The following COP1 variants were observed in gnomAD, a reference collection of about 807,000 sequenced individuals.
COP1 encodes E3 ubiquitin-protein ligase COP1.
A neutral mutation model predicts 101.3 loss-of-function variants in COP1; 24 were observed. That is an observed-to-expected ratio of 0.24 (90% CI 0.17 to 0.33). COP1 has a LOEUF of 0.33. Ranked by LOEUF, COP1 falls within the 10% of genes least tolerant of loss-of-function variation. COP1 has a pLI of 1.00. For synonymous variants in COP1, 347 were observed against 341.9 expected, an observed-to-expected ratio of 1.01 and a Z score of -0.17; for missense variants, 663 against 906.2, an observed-to-expected ratio of 0.73 and a Z score of 3.45.
In COP1 at chr1:176,206,624, G is replaced by C. The variant is rs1438908344; in HGVS notation, c.355C>G (p.Leu119Val). 1.2e-5 allele frequency: 20 copies of C among 1,612,098 alleles called. No homozygotes were observed. Among genetic ancestry groups the C allele is most frequent in the Non-Finnish European group, 1.4e-5 (17 of 1,179,978 alleles). Residue 119 changes from leucine (L) to valine (V), a missense_variant, in exon 1 of 20, where the codon CTC (leucine) becomes GTC (valine). Around this residue, in one of 4 missense-constraint regions of COP1, gnomAD observed 204 missense variants for 203.6 expected, o/e 1.00. Coordinates refer to ENST00000367669, the MANE Select transcript of COP1 (RefSeq NM_022457.7). Reference sequence around the variant, plus strand: ...TAGGAGTTGATGAGCCCGTTGCAGAGGGGGGCGAGGAGAGGTCGCTTCCTG... The same window carrying C: ...TAGGAGTTGATGAGCCCGTTGCAGACGGGGGCGAGGAGAGGTCGCTTCCTG... The part of the protein sequence containing the change: ...GSRKRPLLAP[L>V]CNGLINSYED...
At chr1:175,963,620 T>C (rs777453039) in intron 18 of COP1, among the ~76,000 whole-genome samples, 3 of 152,140 alleles carry the variant, frequency 2.0e-5, no homozygotes. Flanking sequence ...TACTGCCTGG[T>C]TGGTACTTAA....
chr1:176,182,828 CATA>C (rs1697966692), intron 2 of COP1, among the ~76,000 whole-genome samples: 2 of 152,048 alleles, frequency 1.3e-5, no homozygotes, highest in South Asian at 4.1e-4. Flanking sequence ...ATTCGTGAAT[CATA>C]ATAATGTCAA....
intron 14 of COP1, among the ~76,000 whole-genome samples, chr1:176,028,600 C>T (rs138189989): frequency 1.3e-4 from 18 of 140,260 alleles, no homozygotes; most frequent in African/African-American, 3.4e-4. Flanking sequence ...TATAGATAAA[C>T]GATAAATTTA....
Position 176,043,817 on chromosome 1 carries a change from A to G in COP1, c.1423T>C (p.Cys475Arg). The part of the protein sequence containing the change: ...NEMTCNSKIS[C>R]ISWSSYHKNL... Reference sequence around the variant, plus strand: ...TTATGGTAACTACTCCAACTGATACAGCTGAAAGAAATACAGTTAAAAGTT... The same window carrying G: ...TTATGGTAACTACTCCAACTGATACGGCTGAAAGAAATACAGTTAAAAGTT... The change falls in exon 13 of 20, where the codon TGT (cysteine) becomes CGT (arginine). Residue 475 changes from cysteine to arginine, a missense_variant and splice_region_variant. Physicochemically the swap from Cys to Arg is radical, Grantham distance 180 (BLOSUM62 -3). Around this residue, in one of 4 missense-constraint regions of COP1, gnomAD observed 209 missense variants for 383.3 expected, o/e 0.55. Coordinates refer to ENST00000367669, the MANE Select transcript of COP1 (RefSeq NM_022457.7). 1 of 1,540,416 alleles carries G rather than the reference A, an allele frequency of 6.5e-7. No individual in the cohort carries two copies. The highest frequency in any genetic ancestry group is 9.0e-7 in the Non-Finnish European group (1 of 1,116,688).
At chr1:176,074,361 G>A (rs1454477900) in intron 11 of COP1, among the ~76,000 whole-genome samples, 3 of 152,120 alleles carry the variant, frequency 2.0e-5, no homozygotes, top group African/African-American at 7.2e-5. Flanking sequence ...CAACAGAGCT[G>A]TGAGAGTTTT....
chr1:176,036,360 T>A (rs1423964130), intron 14 of COP1, among the ~76,000 whole-genome samples: 2 of 151,596 alleles, frequency 1.3e-5, no homozygotes, highest in Non-Finnish European at 2.9e-5. Context: ...AGTTGAGCAT[T>A]TGAAAAGATT....
intron 15 of COP1, among the ~76,000 whole-genome samples, chr1:175,992,360 G>C (rs960325493): frequency 3.9e-5 from 6 of 152,254 alleles, no homozygotes; most frequent in Admixed American, 6.5e-5. Flanking sequence ...TGAGGTACCA[G>C]GTTCATCTCA....
intron 2 of COP1, among the ~76,000 whole-genome samples, chr1:176,179,164 C>T (rs1697387012): frequency 6.6e-6 from 1 of 151,676 alleles, no homozygotes; most frequent in South Asian, 2.1e-4. Context: ...TTGGTGCACA[C>T]CTATAGTCCT....
intron 18 of COP1, among the ~76,000 whole-genome samples, chr1:175,976,686 A>G (rs2148653495): frequency 6.6e-6 from 1 of 152,350 alleles, no homozygotes; most frequent in South Asian, 2.1e-4. Flanking sequence ...TTGGCTGGTT[A>G]GCAAAAATAT....
chr1:176,057,067 A>T (rs1411848594), intron 11 of COP1, among the ~76,000 whole-genome samples: 1 of 152,212 alleles, frequency 6.6e-6, no homozygotes, highest in African/African-American at 2.4e-5. Flanking sequence ...TGAGCATAGA[A>T]ATGAAATCCA....
chr1:175,966,322 T>G (rs917202681), intron 18 of COP1, among the ~76,000 whole-genome samples: 1 of 148,960 alleles, frequency 6.7e-6, no homozygotes, highest in African/African-American at 2.6e-5. Context: ...CACAAACACT[T>G]AAAAACCTGT....
At chr1:176,160,639 A>C (rs1230565637) in intron 5 of COP1, among the ~76,000 whole-genome samples, 3 of 152,220 alleles carry the variant, frequency 2.0e-5, no homozygotes, top group African/African-American at 4.8e-5. Flanking sequence ...TCTCAAAAGA[A>C]GACATTTATG....
At chr1:176,157,246 C>T (rs1362119875) in intron 5 of COP1, among the ~76,000 whole-genome samples, 1 of 152,032 alleles carries the variant, frequency 6.6e-6, no homozygotes, top group Non-Finnish European at 1.5e-5. Flanking sequence ...ACTACATAAT[C>T]ATATTTATAA....
Position 176,090,930 on chromosome 1 carries a change from C to A in COP1, c.1027-5040G>T, listed in dbSNP as rs149615325. On this transcript the variant is annotated intron_variant, in intron 9 of 19. Transcript: ENST00000367669. Reference sequence around the variant, plus strand: ...ATCAAGTGAGATAATTAAAAAGAAACCCACAGTTAGACACACTAAGGTGAA... The same window carrying A: ...ATCAAGTGAGATAATTAAAAAGAAAACCACAGTTAGACACACTAAGGTGAA... Among the ~76,000 whole-genome samples the A allele has an allele frequency of 7.2e-5, 11 of 152,212 alleles. No individual in the cohort carries two copies. The East Asian group carries it at 2.1e-3, about 29-fold the overall frequency.
At chr1:176,031,150 TGA>T (rs1159313381) in intron 14 of COP1, among the ~76,000 whole-genome samples, 5 of 152,200 alleles carry the variant, frequency 3.3e-5, no homozygotes, top group Non-Finnish European at 2.9e-5. Context: ...TTCAGTACTA[TGA>T]GAGAACAAAT....
intron 3 of COP1, among the ~76,000 whole-genome samples, chr1:176,174,805 T>C (rs1696673700): frequency 6.6e-6 from 1 of 152,216 alleles, no homozygotes; most frequent in Admixed American, 6.5e-5. Context: ...ACCTTTTTGA[T>C]ATATAATCCC....
At chr1:175,984,315 G>A (rs1656587546) in intron 18 of COP1, among the ~76,000 whole-genome samples, 1 of 152,234 alleles carries the variant, frequency 6.6e-6, no homozygotes, top group South Asian at 2.1e-4. Flanking sequence ...GAGAACTCGA[G>A]CCATGGCTTC....
At chr1:175,968,914 A>G (rs765281618) in intron 18 of COP1, among the ~76,000 whole-genome samples, 1 of 152,238 alleles carries the variant, frequency 6.6e-6, no homozygotes, top group Non-Finnish European at 1.5e-5. Context: ...ATATCTCTGG[A>G]TGATCTTCTG....
intron 1 of COP1, among the ~76,000 whole-genome samples, chr1:176,186,266 A>G (rs894008304): frequency 6.6e-6 from 1 of 152,038 alleles, no homozygotes; most frequent in African/African-American, 2.4e-5. Context: ...CACTGCTAAG[A>G]CACAGAACAC....
Sources: allele counts gnomAD v4.1 joint callset (sites outside exome capture counted in the v4.1 genomes callset), GRCh38; gene constraint gnomAD v4.1.1; regional missense constraint gnomAD v4.1.1; transcripts MANE v1.5; gene names NCBI Gene and HGNC (gene_info 2026-07-23, HGNC 2026-07-21).